The following RAI14 variants were observed in gnomAD, a reference collection of about 807,000 sequenced individuals.
The protein encoded by RAI14 is retinoic acid induced 14, also known as ankycorbin.
A neutral mutation model predicts 115.4 loss-of-function variants in RAI14; 45 were observed. The observed-to-expected ratio is 0.39, with a 90% CI of 0.31 to 0.50. The LOEUF is 0.50. Among genes scored for constraint, RAI14 ranks in the 20% least tolerant of loss-of-function variants. The pLI is 0.85. For missense variants in RAI14, 939 were observed against 1,131.2 expected, an observed-to-expected ratio of 0.83 and a Z score of 2.44; for synonymous variants, 371 against 415.4, an observed-to-expected ratio of 0.89 and a Z score of 1.30.
chr5:34,745,826 T>G (rs1294189678), intron 2 of RAI14, among the ~76,000 whole-genome samples: 1 of 152,144 alleles, frequency 6.6e-6, no homozygotes, highest in Admixed American at 6.5e-5. Context: ...ATTGGAGCAT[T>G]ACCATGTGTA....
At chr5:34,698,005 A>G (rs1739478280) in intron 2 of RAI14, among the ~76,000 whole-genome samples, 1 of 151,292 alleles carries the variant, frequency 6.6e-6, no homozygotes, top group African/African-American at 2.4e-5. Context: ...TATTGGGTTT[A>G]TTGCTGATTC....
intron 2 of RAI14, among the ~76,000 whole-genome samples, chr5:34,706,357 TACTC>T (rs1044789204): frequency 2.6e-5 from 4 of 152,230 alleles, no homozygotes; most frequent in African/African-American, 4.8e-5. Flanking sequence ...TTTTAAAACT[TACTC>T]ATTAAACTGA....
intron 9 of RAI14, 115 bp downstream of exon 9, chr5:34,812,060 G>T (rs1755663567): frequency 1.6e-6 from 2 of 1,248,592 alleles, no homozygotes; most frequent in South Asian, 1.5e-5. Flanking sequence ...ACATATTCTT[G>T]AAAAAAAAAG....
intron 16 of RAI14, among the ~76,000 whole-genome samples, chr5:34,826,749 A>G (rs1757493831): frequency 6.6e-6 from 1 of 152,202 alleles, no homozygotes; most frequent in Non-Finnish European, 1.5e-5. Context: ...GTGCTCACTC[A>G]TACCCTAACT....
At chr5:34,693,609 A>G (rs1330314250) in intron 2 of RAI14, among the ~76,000 whole-genome samples, 1 of 152,218 alleles carries the variant, frequency 6.6e-6, no homozygotes, top group African/African-American at 2.4e-5. Flanking sequence ...TAGAGGAAGA[A>G]ATGAATGTTG....
Position 34,798,642 on chromosome 5 carries a change from C to T in RAI14, c.256+2615C>T, listed in dbSNP as rs1206074071. Among the ~76,000 whole-genome samples, 3 of 152,146 alleles carry T rather than the reference C, an allele frequency of 2.0e-5. No homozygotes were observed. In the East Asian group the frequency reaches 5.8e-4, roughly 29 times the overall value. The stretch of plus-strand genomic sequence containing the variant: ...GCCTCATAACACCCTGTGGGTAGAG[C>T]TCATATTTACCACCAGAGCCCTAAC... On this transcript the variant is annotated intron_variant, in intron 4 of 17. Coordinates refer to ENST00000265109, the MANE Select transcript of RAI14 (RefSeq NM_015577.3).
chr5:34,659,044 A>C (rs458024), intron 1 of RAI14: 134,220 of 152,142 alleles, frequency 0.88, 59,243 homozygotes, highest in South Asian at 0.95. Flanking sequence ...GCATGTTTGG[A>C]ACTACACTGT....
intron 7 of RAI14, among the ~76,000 whole-genome samples, chr5:34,809,722 G>T (rs1454486252): frequency 6.6e-6 from 1 of 151,006 alleles, no homozygotes; most frequent in South Asian, 2.1e-4. Context: ...GGCTATACAT[G>T]TTTTCTACCA....
chr5:34,658,722 C>A (rs1245968285), intron 1 of RAI14, among the ~76,000 whole-genome samples: 1 of 152,018 alleles, frequency 6.6e-6, no homozygotes, highest in Admixed American at 6.6e-5. Flanking sequence ...CGCTTGAACC[C>A]GGGAGGTGGA....
chr5:34,816,909 AAAC>A lies in RAI14; in HGVS notation c.940-1879_940-1877del, dbSNP rs947379964. On this transcript the variant is annotated intron_variant, in intron 12 of 17. Transcript: ENST00000265109. Reference sequence around the variant, plus strand: ...GAGTATAAGACTGTCATTTCTGAAAAAACAACAACAAAAAAAAACAAGATAAAA... The same window carrying A: ...GAGTATAAGACTGTCATTTCTGAAAAAACAACAAAAAAAAACAAGATAAAA... Among the ~76,000 whole-genome samples, 6 of 152,068 alleles carry A rather than the reference AAAC, an allele frequency of 3.9e-5. No homozygotes were observed. In the East Asian group the frequency reaches 9.6e-4, roughly 24 times the overall value.
At chr5:34,809,167 C>A (rs918912061) in intron 7 of RAI14, among the ~76,000 whole-genome samples, 1 of 152,152 alleles carries the variant, frequency 6.6e-6, no homozygotes, top group Admixed American at 6.6e-5. Context: ...GAATACTCAC[C>A]AGTGGCGTTT....
At chr5:34,720,726 T>G (rs2149993606) in intron 2 of RAI14, among the ~76,000 whole-genome samples, 1 of 152,180 alleles carries the variant, frequency 6.6e-6, no homozygotes, top group South Asian at 2.1e-4. Flanking sequence ...TTTTTCTACT[T>G]GACTAATAAA....
chr5:34,768,479 C>A (rs532160566), intron 3 of RAI14, among the ~76,000 whole-genome samples: 3 of 152,120 alleles, frequency 2.0e-5, no homozygotes, highest in African/African-American at 7.2e-5. Context: ...CTCTCAATCA[C>A]CCTGAAGTAA....
intron 12 of RAI14, among the ~76,000 whole-genome samples, chr5:34,817,364 C>T (rs1269934315): frequency 1.3e-5 from 2 of 151,646 alleles, no homozygotes; most frequent in African/African-American, 4.8e-5. Context: ...GAGGATGTTG[C>T]AGAACTAGAA....
intron 2 of RAI14, among the ~76,000 whole-genome samples, chr5:34,753,741 C>T (rs1201151657): frequency 1.3e-5 from 2 of 152,102 alleles, no homozygotes; most frequent in African/African-American, 2.4e-5. Context: ...TGGTGAAACC[C>T]CACCTCTACT....
In RAI14 at chr5:34,673,607, G is replaced by A. The variant is rs533998671; in HGVS notation, c.-48-13265G>A. 2.6e-5 allele frequency among the ~76,000 whole-genome samples: 4 copies of A among 152,288 alleles called. No individual in the cohort carries two copies. The South Asian group carries it at 6.2e-4, about 24-fold the overall frequency. ...AGTACTGACAAATACTTTGGTGCCCGAGGGCAAGTGTCAGAGACCCAACTT... is the reference window on the plus strand; with the variant it reads ...AGTACTGACAAATACTTTGGTGCCCAAGGGCAAGTGTCAGAGACCCAACTT... On this transcript the variant is annotated intron_variant, in intron 1 of 17. Coordinates refer to ENST00000265109, the MANE Select transcript of RAI14 (RefSeq NM_015577.3).
intron 3 of RAI14, among the ~76,000 whole-genome samples, chr5:34,760,064 G>A (rs1005614699): frequency 4.0e-5 from 6 of 151,264 alleles, no homozygotes; most frequent in South Asian, 2.1e-4. Flanking sequence ...GTGCAGTAGC[G>A]TGATCTCGGC....
intron 3 of RAI14, among the ~76,000 whole-genome samples, chr5:34,780,225 AGATGGATTAAAGAC>A: frequency 6.6e-6 from 1 of 152,246 alleles, no homozygotes; most frequent in Non-Finnish European, 1.5e-5. Flanking sequence ...AATTAATTCA[AGATGGATTAAAGAC>A]TTAAATGTTA....
At chr5:34,777,900 A>G (rs141424388) in intron 3 of RAI14, among the ~76,000 whole-genome samples, 1 of 152,168 alleles carries the variant, frequency 6.6e-6, no homozygotes, top group Non-Finnish European at 1.5e-5. Context: ...GAGAGTAGAA[A>G]CATAGTTAGA....
Sources: gnomAD v4.1 joint callset for allele counts (sites outside exome capture counted in the v4.1 genomes callset) on GRCh38, gnomAD v4.1.1 for gene constraint, MANE v1.5 for transcripts, NCBI Gene and HGNC (gene_info 2026-07-23, HGNC 2026-07-21) for gene names.